The following MROH6 variants were observed in gnomAD, a reference collection of about 807,000 sequenced individuals.
MROH6 encodes maestro heat-like repeat-containing protein family member 6.
MROH6 carries 62 observed loss-of-function variants against 67.7 expected under a neutral mutation model. The observed-to-expected ratio is 0.92, with a 90% confidence interval of 0.75 to 1.13. The LOEUF (loss-of-function observed/expected upper bound fraction) is 1.13, where lower values mean the gene tolerates loss of function less well. MROH6 is among the 50% of genes most tolerant of loss of function. The pLI, the probability that MROH6 is intolerant of heterozygous loss-of-function variation, is 0.00. For missense variants in MROH6, 1,175 were observed against 1,029.1 expected (o/e 1.14, Z -1.94); for synonymous variants, 566 against 470.8 (o/e 1.20, Z -2.62).
rs1441307034 is a variant in MROH6 at position 143,569,859 on chromosome 8, G to T, written c.1159-19C>A. On this transcript the variant is annotated intron_variant, in intron 7 of 13. Transcript: ENST00000398882. ...GCAACAGCTAGGCGAGGCACATGGG[G>T]TCAGCACGCCCGCGGTCCCCGTGCA... The T allele has an allele frequency of 2.5e-6, 4 of 1,610,048 alleles. No individual in the cohort carries two copies. In the Admixed American group the frequency reaches 5.0e-5, roughly 20 times the overall value.
chr8:143,568,951 A>T, intron 9 of MROH6: 1 of 336,146 alleles, frequency 3.0e-6, no homozygotes, highest in Non-Finnish European at 5.0e-6. Context: ...TCGAGCGGGG[A>T]GGAGCTTGGC....
intron 3 of MROH6, among the ~76,000 whole-genome samples, chr8:143,571,227 G>A (rs11986259): frequency 0.29 from 44,613 of 152,086 alleles, 7,199 homozygotes; most frequent in African/African-American, 0.42. Flanking sequence ...CCCACTGGGA[G>A]TCCCGTTGGG....
rs940340847 is a variant in MROH6, at chr8:143,568,439, C to T, written c.1644+113G>A. 3 of 1,442,390 alleles carry T rather than the reference C, an allele frequency of 2.1e-6. No homozygotes were observed. The African/African-American group carries it at 4.3e-5, about 21-fold the overall frequency. 89.3% of individuals were successfully genotyped at this position (1,442,390 alleles called of 1,614,324 possible). Reference sequence around the variant, plus strand: ...ACCTGGCCGCCCGTCACACCTGCCACTGAGGTCCTTGGGATGGGTGAGTCC... The same window carrying T: ...ACCTGGCCGCCCGTCACACCTGCCATTGAGGTCCTTGGGATGGGTGAGTCC... On this transcript the variant is annotated intron_variant, in intron 10 of 13. Transcript: ENST00000398882.
At chr8:143,568,940 G>A (rs1328596549) in intron 9 of MROH6, 7 of 465,094 alleles carry the variant, frequency 1.5e-5, no homozygotes, top group East Asian at 3.5e-5. Flanking sequence ...GGAAGGAAAA[G>A]TCGAGCGGGG....
At chr8:143,569,914 G>A in intron 7 of MROH6, 37 bp downstream of exon 7, 1 of 1,611,698 alleles carries the variant, frequency 6.2e-7, no homozygotes, top group South Asian at 1.1e-5. Context: ...TCAAGTCCAG[G>A]GTCACCCTTC....
rs914575533 is a variant in MROH6, at chr8:143,571,661, G to A, written c.602+6C>T. ...GGGGACCGCAGGGCCAGGACGGTTG[G>A]GTTACCGATCGGCGGGCAGAGAGCG... On this transcript the variant is annotated splice_donor_region_variant and intron_variant, in intron 3 of 13. Transcript: ENST00000398882. The A allele has an allele frequency of 7.0e-6, 11 of 1,561,476 alleles. No individual in the cohort carries two copies. The highest frequency in any genetic ancestry group is 9.5e-6 in the Non-Finnish European group (11 of 1,153,592).
In MROH6 at chr8:143,572,483, C is replaced by T. The variant is rs1351662282; in HGVS notation, c.232G>A (p.Ala78Thr). 3 of 1,603,520 alleles carry T rather than the reference C, an allele frequency of 1.9e-6. No individual in the cohort carries two copies. The highest frequency in any genetic ancestry group is 2.5e-6 in the Non-Finnish European group (3 of 1,177,116). Residue 78 changes from alanine to threonine, a missense_variant, in exon 1 of 14, where the codon GCT (alanine) becomes ACT (threonine). Transcript: ENST00000398882. Reference protein sequence around the residue: ...EPGRGATVPEAGSEPCSLNSA... With the variant: ...EPGRGATVPETGSEPCSLNSA... ...TTGAGGGAGCAGGGCTCGCTGCCAGCTTCAGGGACGGTGGCCCCACGTCCA... is the reference window on the plus strand; with the variant it reads ...TTGAGGGAGCAGGGCTCGCTGCCAGTTTCAGGGACGGTGGCCCCACGTCCA...
chr8:143,568,537 T>G lies in MROH6; in HGVS notation c.1644+15A>C. 6.6e-7 allele frequency: 1 copy of G among 1,514,460 alleles called. No individual in the cohort carries two copies. Among genetic ancestry groups the G allele is most frequent in the Non-Finnish European group, 8.8e-7 (1 of 1,135,326 alleles). The allele number at this position is 1,514,460 out of a possible 1,614,324, so 93.8% of individuals were successfully genotyped here. A position where few individuals can be genotyped will look rare whatever the true frequency, so the allele number is the denominator to read the frequency against. On this transcript the variant is annotated intron_variant, in intron 10 of 13. Transcript: ENST00000398882. The stretch of plus-strand genomic sequence containing the variant: ...TGGATGGCATAGGGGTGGGATGGTG[T>G]CGGGGGCTGCTGACCTCAGCAGCGT...
chr8:143,568,968 C>A (rs1449911056), intron 9 of MROH6: 8 of 322,386 alleles, frequency 2.5e-5, no homozygotes, highest in East Asian at 2.4e-4. Flanking sequence ...TGGCGGGACA[C>A]GGCCCTGGAG....
chr8:143,567,585 C>T lies in MROH6; in HGVS notation c.1933+26G>A, dbSNP rs201434998. ...AGCACCAGCCACGTCTCCAGGACAC[C>T]ATCCCCTGGCAAGGTGGGGCCTCAC... On this transcript the variant is annotated intron_variant, in intron 13 of 13. Coordinates refer to ENST00000398882, the MANE Select transcript of MROH6 (RefSeq NM_001100878.2). 5.2e-6 allele frequency: 8 copies of T among 1,547,370 alleles called. No individual in the cohort carries two copies. The East Asian group carries it at 2.0e-4, about 38-fold the overall frequency.
chr8:143,569,371 G>A (rs1468041427), intron 9 of MROH6, 70 bp downstream of exon 9: 6 of 1,297,126 alleles, frequency 4.6e-6, no homozygotes, highest in African/African-American at 1.7e-5. Flanking sequence ...GGGCCTGGGA[G>A]GGAGAGACTG....
At position 143,567,457 on chromosome 8, in the gene MROH6, G is replaced by T; in HGVS notation, c.1942C>A (p.Arg648=). 1 of 1,390,802 alleles carries T rather than the reference G, an allele frequency of 7.2e-7. No individual in the cohort carries two copies. Among genetic ancestry groups the T allele is most frequent in the Non-Finnish European group, 9.4e-7 (1 of 1,069,230 alleles). 86.2% of individuals were successfully genotyped at this position (1,390,802 alleles called of 1,614,324 possible). ...GCCGGCTTGGGGTCGCTCTGCAGTCGCCCTAGGTCTGCGAGGAGATCGCGG... is the reference window on the plus strand; with the variant it reads ...GCCGGCTTGGGGTCGCTCTGCAGTCTCCCTAGGTCTGCGAGGAGATCGCGG... The part of the protein sequence containing the change: ...LLDSLFQDLG[R]LQSDPKPAVA... The change falls in exon 14 of 14, where the codon CGA becomes AGA. Residue 648 remains arginine, a synonymous_variant. Transcript: ENST00000398882.
In MROH6 at chr8:143,569,585, C is replaced by T; in HGVS notation, c.1332G>A (p.Ala444=). 6.4e-7 allele frequency: 1 copy of T among 1,567,346 alleles called. No homozygotes were observed. Among genetic ancestry groups the T allele is most frequent in the East Asian group, 2.3e-5 (1 of 43,382 alleles). Reference sequence around the variant, plus strand: ...CGCCTTCGCCCAGTGCGCCCAGGAGCGCCGGCAGCAGCGTGCTCACGTGCC... The same window carrying T: ...CGCCTTCGCCCAGTGCGCCCAGGAGTGCCGGCAGCAGCGTGCTCACGTGCC... The part of the protein sequence containing the change: ...KVRHVSTLLP[A]LLGALGEGDA... The change falls in exon 9 of 14, where the codon GCG becomes GCA. Residue 444 remains alanine (A), a synonymous_variant. Coordinates refer to ENST00000398882, the MANE Select transcript of MROH6 (RefSeq NM_001100878.2).
chr8:143,572,374 A>C, intron 1 of MROH6, 47 bp downstream of exon 1: 1 of 1,501,136 alleles, frequency 6.7e-7, no homozygotes, highest in Non-Finnish European at 8.9e-7. Context: ...TACCATCCAC[A>C]GGACCCCCAG....
In MROH6 at chr8:143,570,530, G is replaced by A. The variant is rs1476849949; in HGVS notation, c.848C>T (p.Pro283Leu). 18 of 1,612,030 alleles carry A rather than the reference G, an allele frequency of 1.1e-5. No individual in the cohort carries two copies. In the Middle Eastern group the frequency reaches 4.9e-4, roughly 44 times the overall value. The change falls in exon 5 of 14, where the codon CCC (proline) becomes CTC (leucine). Residue 283 changes from proline to leucine, a missense_variant. Transcript: ENST00000398882. The stretch of plus-strand genomic sequence containing the variant: ...CAGAACCCAAATCTTGGGCATGTCG[G>A]GGGAGCACGGGCTGCGGGCCAGCTT... ...LHKLARSPCS[P>L]DMPKIWVLSH...
Position 143,566,873 on chromosome 8 carries a change from T to C in MROH6, c.*366A>G, listed in dbSNP as rs75078063. 9.4e-3 allele frequency: 1,703 copies of C among 181,702 alleles called. 35 individuals carry two copies. The highest frequency in any genetic ancestry group is 0.037 in the African/African-American group (1,596 of 42,656). The allele number at this position is 181,702 out of a possible 1,614,324, so 11.3% of individuals were successfully genotyped here. On this transcript the variant is annotated 3_prime_UTR_variant, in exon 14 of 14. Coordinates refer to ENST00000398882, the MANE Select transcript of MROH6 (RefSeq NM_001100878.2). ...AAGGCCCGGACAGGCCACAGCGTCCTGTCCAGGCATGAGGTGGAGACCCAG... is the reference window on the plus strand; with the variant it reads ...AAGGCCCGGACAGGCCACAGCGTCCCGTCCAGGCATGAGGTGGAGACCCAG...
rs1388312200 is a variant in MROH6 at position 143,570,591 on chromosome 8, G to C, written c.787C>G (p.Pro263Ala). 1.2e-6 allele frequency: 2 copies of C among 1,605,348 alleles called. No homozygotes were observed. Among genetic ancestry groups the C allele is most frequent in the Non-Finnish European group, 1.7e-6 (2 of 1,179,792 alleles). Reference protein sequence around the residue: ...GCVGATRGFYPHLLLALVTQL... With the variant: ...GCVGATRGFYAHLLLALVTQL... The stretch of plus-strand genomic sequence containing the variant: ...GTGACCAGCGCAAGCAGCAGATGTG[G>C]GTAGAAGCCCCTCGTGGCTCCCACG... The change falls in exon 5 of 14, where the codon CCA (proline) becomes GCA (alanine). Residue 263 changes from proline (P) to alanine (A), a missense_variant. By Grantham distance (27) the Pro-to-Ala change is conservative. Transcript: ENST00000398882.
intron 11 of MROH6, 79 bp from the exon 12 acceptor site, chr8:143,567,967 C>T: frequency 6.9e-7 from 1 of 1,449,116 alleles, no homozygotes; most frequent in South Asian, 1.4e-5. Context: ...AATCCAGGGG[C>T]CGGGGTTCCA....
At position 143,570,245 on chromosome 8, in the gene MROH6, G is replaced by A; in HGVS notation, c.1041C>T (p.Ala347=). Residue 347 remains alanine (A), a splice_region_variant and synonymous_variant, in exon 6 of 14, where the codon GCC becomes GCT. Coordinates refer to ENST00000398882, the MANE Select transcript of MROH6 (RefSeq NM_001100878.2). The part of the protein sequence containing the change: ...HTHLEGVLLL[A]SAMVAHADHH... ...GGGCCCCTCCTCACCCTCCTCACCT[G>A]GCCAGCAGCAGGACGCCCTCCAGGT... 6.8e-7 allele frequency: 1 copy of A among 1,479,020 alleles called. No homozygotes were observed. The highest frequency in any genetic ancestry group is 9.1e-7 in the Non-Finnish European group (1 of 1,099,946). 91.6% of individuals were successfully genotyped at this position (1,479,020 alleles called of 1,614,324 possible).
Sources: allele counts gnomAD v4.1 joint callset (sites outside exome capture counted in the v4.1 genomes callset), GRCh38; gene constraint gnomAD v4.1.1; transcripts MANE v1.5; gene names NCBI Gene and HGNC (gene_info 2026-07-23, HGNC 2026-07-21).